The following PHF24 variants were observed in gnomAD, a reference collection of about 807,000 sequenced individuals.
PHF24 encodes the protein PHD finger protein 24, also known as Galpha inhibitory interacting protein.
Under a neutral mutation model 42.6 loss-of-function variants are expected in PHF24, and 25 were observed. That is an observed-to-expected ratio of 0.59 (90% CI 0.43 to 0.82). PHF24 has a LOEUF of 0.82. Ranked by LOEUF, PHF24 falls within the 40% of genes least tolerant of loss-of-function variation. PHF24 has a pLI of 0.00. For missense variants in PHF24, 470 were observed against 538.1 expected, an observed-to-expected ratio of 0.87 and a Z score of 1.25; for synonymous variants, 185 against 204.8, an observed-to-expected ratio of 0.90 and a Z score of 0.83.
At chr9:34,962,169 A>T (rs1826609775) in intron 1 of PHF24, among the ~76,000 whole-genome samples, 1 of 152,218 alleles carries the variant, frequency 6.6e-6, no homozygotes. Flanking sequence ...TCAAATACAT[A>T]TTCTAACAAA....
At chr9:34,710,139 G>A in the PHF24 span, 11 of 1,289,244 alleles carry the variant, frequency 8.5e-6, no homozygotes, top group African/African-American at 1.5e-5. Flanking sequence ...GGGTCTGTGC[G>A]TGGGCTGGGA....
At chr9:34,725,067 G>T in the PHF24 span, 2 of 1,551,872 alleles carry the variant, frequency 1.3e-6, no homozygotes, top group Non-Finnish European at 1.7e-6. Flanking sequence ...CTTGCTGTCT[G>T]CAGTTCCAGG....
chr9:34,772,724 C>T, the PHF24 span, among the ~76,000 whole-genome samples: 6 of 152,122 alleles, frequency 3.9e-5, no homozygotes, highest in South Asian at 4.1e-4. Context: ...AGGTTTCTTA[C>T]GACTGGAGTG....
the PHF24 span, among the ~76,000 whole-genome samples, chr9:34,682,298 CG>C: frequency 6.6e-6 from 1 of 151,626 alleles, no homozygotes; most frequent in Non-Finnish European, 1.5e-5. Flanking sequence ...CACTTTTGAT[CG>C]TGGACTTCTA....
At chr9:34,769,113 T>C in the PHF24 span, among the ~76,000 whole-genome samples, 3 of 152,280 alleles carry the variant, frequency 2.0e-5, no homozygotes, top group East Asian at 5.8e-4. Flanking sequence ...TTTTCAAATA[T>C]ATAAATGCAA....
chr9:34,744,606 T>C, the PHF24 span, among the ~76,000 whole-genome samples: 1 of 152,198 alleles, frequency 6.6e-6, no homozygotes, highest in East Asian at 1.9e-4. Context: ...GCAACTTAAA[T>C]TTATCTCTAT....
At chr9:34,976,969 G>T in intron 5 of PHF24, 114 bp from the exon 6 acceptor site, 1 of 1,237,220 alleles carries the variant, frequency 8.1e-7, no homozygotes, top group Non-Finnish European at 1.1e-6. Context: ...CTCCAGAAGG[G>T]CTCTGGGCAG....
At chr9:34,695,872 T>C in the PHF24 span, among the ~76,000 whole-genome samples, 1 of 152,078 alleles carries the variant, frequency 6.6e-6, no homozygotes, top group Non-Finnish European at 1.5e-5. Flanking sequence ...TAATTGGCAG[T>C]ACCAGGACAT....
chr9:34,674,938 C>T, the PHF24 span, among the ~76,000 whole-genome samples: 4 of 152,298 alleles, frequency 2.6e-5, no homozygotes, highest in Admixed American at 2.0e-4. Flanking sequence ...GTGATCTCGG[C>T]TCACTGTAAC....
the PHF24 span, chr9:34,726,487 C>T: frequency 5.2e-6 from 8 of 1,551,674 alleles, no homozygotes; most frequent in African/African-American, 6.8e-5. Context: ...TCAAGTGATG[C>T]TGGCCTTGGT....
the PHF24 span, among the ~76,000 whole-genome samples, chr9:34,748,364 A>G: frequency 6.6e-6 from 1 of 152,174 alleles, no homozygotes; most frequent in Non-Finnish European, 1.5e-5. Flanking sequence ...TGATTGGATC[A>G]TGGGGGCAGA....
the PHF24 span, chr9:34,917,090 GCCT>G: frequency 1.4e-6 from 1 of 732,376 alleles, no homozygotes; most frequent in South Asian, 1.4e-5. Flanking sequence ...CAGCACAGAG[GCCT>G]CCTCTCCTCT....
At chr9:34,952,568 A>G in the PHF24 span, among the ~76,000 whole-genome samples, 2 of 152,220 alleles carry the variant, frequency 1.3e-5, no homozygotes, top group Admixed American at 1.3e-4. Context: ...AATTATTTCA[A>G]AAAAGAAGAA....
At chr9:34,882,039 G>T in the PHF24 span, among the ~76,000 whole-genome samples, 1 of 152,176 alleles carries the variant, frequency 6.6e-6, no homozygotes, top group Non-Finnish European at 1.5e-5. Flanking sequence ...TCATCCCTGG[G>T]ATGCAAGGCT....
the PHF24 span, among the ~76,000 whole-genome samples, chr9:34,718,340 C>T: frequency 6.6e-6 from 1 of 152,230 alleles, no homozygotes; most frequent in Non-Finnish European, 1.5e-5. Flanking sequence ...CCCTCTCCCT[C>T]CCCATGCTCT....
the PHF24 span, among the ~76,000 whole-genome samples, chr9:34,897,065 A>C: frequency 6.6e-6 from 1 of 152,184 alleles, no homozygotes; most frequent in Non-Finnish European, 1.5e-5. Flanking sequence ...CTGAAGCAGG[A>C]GAATCGCTTG....
chr9:34,908,282 G>C, the PHF24 span, among the ~76,000 whole-genome samples: 2 of 152,126 alleles, frequency 1.3e-5, no homozygotes, highest in Non-Finnish European at 2.9e-5. Flanking sequence ...TAAGGCTTTT[G>C]TCTTCACTGC....
the PHF24 span, among the ~76,000 whole-genome samples, chr9:34,767,063 T>A: frequency 1.3e-5 from 2 of 152,098 alleles, no homozygotes; most frequent in African/African-American, 4.8e-5. Flanking sequence ...CCTCTGGAAG[T>A]TTTGTCTCAG....
chr9:34,922,700 T>A, the PHF24 span: 2 of 1,505,090 alleles, frequency 1.3e-6, no homozygotes, highest in Non-Finnish European at 1.8e-6. Context: ...CTGCTGTTTT[T>A]TTCTCAGCAC....
Sources: gnomAD v4.1 joint callset for allele counts (sites outside exome capture counted in the v4.1 genomes callset) on GRCh38, gnomAD v4.1.1 for gene constraint, MANE v1.5 for transcripts, NCBI Gene and HGNC (gene_info 2026-07-23, HGNC 2026-07-21) for gene names.